Variants in CELF6 observed in about 807,000 individuals in gnomAD.
The protein encoded by CELF6 is CUGBP Elav-like family member 6, also known as Bruno -like 6, RNA binding protein.
Under a neutral mutation model 53.1 loss-of-function variants are expected in CELF6, and 32 were observed. The ratio of observed to expected loss-of-function variants is 0.60; its 90% CI spans 0.46 to 0.81. The LOEUF is 0.81. CELF6 is among the 30% of genes least tolerant of loss of function. The pLI, the probability that CELF6 is intolerant of heterozygous loss-of-function variation, is 0.00. For missense variants in CELF6, 539 were observed against 669.5 expected (o/e 0.81, Z 2.15); for synonymous variants, 291 against 288.8 (o/e 1.01, Z -0.08).
intron 3 of CELF6, among the ~76,000 whole-genome samples, chr15:72,303,254 G>A (rs1368493310): frequency 1.3e-5 from 2 of 152,178 alleles, no homozygotes; most frequent in African/African-American, 4.8e-5. Context: ...TGAACATGAA[G>A]TTTTGCATGC....
At chr15:72,315,171 G>C (rs1189351705) in intron 2 of CELF6, among the ~76,000 whole-genome samples, 1 of 152,164 alleles carries the variant, frequency 6.6e-6, no homozygotes, top group East Asian at 1.9e-4. Context: ...AGAAAACAAG[G>C]CTGTATAGTA....
Position 72,319,814 on chromosome 15 carries a change from T to C in CELF6, c.61A>G (p.Ser21Gly), listed in dbSNP as rs757480018. 3 of 1,553,150 alleles carry C rather than the reference T, an allele frequency of 1.9e-6. No individual in the cohort carries two copies. The South Asian group carries it at 3.5e-5, about 18-fold the overall frequency. The change falls in exon 1 of 13, where the codon AGC becomes GGC. Residue 21 changes from serine (S) to glycine (G), a missense_variant. Physicochemically the swap from Ser to Gly is moderately conservative, Grantham distance 56. Transcript: ENST00000287202. This position sits in a 1 kb window ranked among gnomAD's most constrained non-coding sequence, Gnocchi z 5.0. The stretch of plus-strand genomic sequence containing the variant: ...ATGCCGACGCCGCTGTCCGCGGTGC[T>C]GAAACCCAGGCGCGGGCCGGGGCCA... The part of the protein sequence containing the change: ...PAGPGPRLGF[S>G]TADSGVGMSG...
intron 3 of CELF6, among the ~76,000 whole-genome samples, chr15:72,293,737 A>C (rs1024321385): frequency 2.7e-5 from 4 of 150,458 alleles, no homozygotes; most frequent in Admixed American, 6.6e-5. Context: ...TCTGTCACCC[A>C]AGCTGGAGAG....
chr15:72,316,917 G>T (rs1435235053), intron 1 of CELF6, among the ~76,000 whole-genome samples: 10 of 152,202 alleles, frequency 6.6e-5, no homozygotes, highest in Non-Finnish European at 1.2e-4. Flanking sequence ...AGTCCAAAGG[G>T]TTGAGTAATG....
rs971102911 is a variant in CELF6, at chr15:72,299,613, G to A, written c.394+5133C>T. 5.3e-5 allele frequency among the ~76,000 whole-genome samples: 8 copies of A among 151,958 alleles called. No individual in the cohort carries two copies. In the South Asian group the frequency reaches 1.0e-3, roughly 20 times the overall value. ...TGAGCTCAGCCAATCCACCCGCCTC[G>A]GCCTCCCAAAATGCTAGGATTACAG... On this transcript the variant is annotated intron_variant, in intron 3 of 12. Coordinates refer to ENST00000287202, the MANE Select transcript of CELF6 (RefSeq NM_052840.5).
At chr15:72,313,673 C>T in intron 2 of CELF6, 2 of 739,738 alleles carry the variant, frequency 2.7e-6, no homozygotes, top group African/African-American at 1.9e-5. Flanking sequence ...CCTGTTCCTT[C>T]TGTGTCTGCA....
Position 72,320,089 on chromosome 15 carries a change from G to T in CELF6, c.-215C>A, listed in dbSNP as rs1393106506. 1.5e-6 allele frequency: 1 copy of T among 655,452 alleles called. No homozygotes were observed. The highest frequency in any genetic ancestry group is 2.8e-6 in the Non-Finnish European group (1 of 358,196). 40.6% of individuals were successfully genotyped at this position (655,452 alleles called of 1,614,324 possible). A position where few individuals can be genotyped will look rare whatever the true frequency, so the allele number is the denominator to read the frequency against. ...CGGGGCGGGGCGGGCCCGGGCCGAG[G>T]TGGCGGCTGAACGCTGGGGTCTGGC... On this transcript the variant is annotated 5_prime_UTR_variant, in exon 1 of 13. Coordinates refer to ENST00000287202, the MANE Select transcript of CELF6 (RefSeq NM_052840.5).
At chr15:72,299,696 T>G (rs1399826061) in intron 3 of CELF6, among the ~76,000 whole-genome samples, 1 of 152,178 alleles carries the variant, frequency 6.6e-6, no homozygotes, top group Non-Finnish European at 1.5e-5. Flanking sequence ...GTGTATTTAA[T>G]GTATGTTAGG....
rs1189044614 is a variant in CELF6 at position 72,289,646 on chromosome 15, C to A, written c.728G>T (p.Cys243Phe). 9 of 1,502,926 alleles carry A rather than the reference C, an allele frequency of 6.0e-6. No individual in the cohort carries two copies. In the East Asian group the frequency reaches 1.0e-4, roughly 17 times the overall value. 93.1% of individuals were successfully genotyped at this position (1,502,926 alleles called of 1,614,324 possible). The change falls in exon 6 of 13, where the codon TGC (cysteine) becomes TTC (phenylalanine). Residue 243 changes from cysteine to phenylalanine, a missense_variant. Physicochemically the swap from Cys to Phe is radical, Grantham distance 205 (BLOSUM62 -2). Transcript: ENST00000287202. This position sits in a 1 kb window ranked among gnomAD's most constrained non-coding sequence, Gnocchi z 7.6. ...FHPAPLPLGA[C>F]GAYTTAILQH... ...ACCTACCGCCGTGGTGTAGGCGCCG[C>A]AGGCCCCTAGCGGCAGTGGCGCGGG...
At chr15:72,318,323 C>T (rs567377826) in intron 1 of CELF6, among the ~76,000 whole-genome samples, 13 of 152,116 alleles carry the variant, frequency 8.5e-5, no homozygotes, top group Admixed American at 2.6e-4. Flanking sequence ...CCCTACGAGG[C>T]CTCCAAGTTG....
At position 72,289,337 on chromosome 15, in the gene CELF6, GC is replaced by G; in HGVS notation, c.880+37del. 1 of 1,538,434 alleles carries G rather than the reference GC, an allele frequency of 6.5e-7. No individual in the cohort carries two copies. Among genetic ancestry groups the G allele is most frequent in the Non-Finnish European group, 8.7e-7 (1 of 1,149,600 alleles). ...TCAGGCCGCCACCCCGCCCCGCCCG[GC>G]CCCTCCCAGGCGCGCCCCAGTCCCT... On this transcript the variant is annotated intron_variant, in intron 7 of 12. Coordinates refer to ENST00000287202, the MANE Select transcript of CELF6 (RefSeq NM_052840.5). The surrounding 1 kb of genome is among the most constrained non-coding windows in gnomAD (Gnocchi z 7.6).
Position 72,319,604 on chromosome 15 carries a change from C to G in CELF6, c.262+9G>C. The stretch of plus-strand genomic sequence containing the variant: ...TGGGGCTGGGCTGGGCTGGGCTGAC[C>G]CCGCGCACCTTTGTGGAGGCCGGTG... On this transcript the variant is annotated intron_variant, in intron 1 of 12. Coordinates refer to ENST00000287202, the MANE Select transcript of CELF6 (RefSeq NM_052840.5). This position sits in a 1 kb window ranked among gnomAD's most constrained non-coding sequence, Gnocchi z 5.0. The G allele has an allele frequency of 6.5e-7, 1 of 1,540,032 alleles. No individual in the cohort carries two copies. The highest frequency in any genetic ancestry group is 8.8e-7 in the Non-Finnish European group (1 of 1,139,984).
Position 72,319,541 on chromosome 15 carries a change from T to TGGGGC in CELF6, c.262+67_262+71dup. 7.4e-7 allele frequency: 1 copy of TGGGGC among 1,346,468 alleles called. No individual in the cohort carries two copies. The highest frequency in any genetic ancestry group is 1.4e-5 in the South Asian group (1 of 70,056). The allele number at this position is 1,346,468 out of a possible 1,614,324, so 83.4% of individuals were successfully genotyped here. On this transcript the variant is annotated intron_variant, in intron 1 of 12. Coordinates refer to ENST00000287202, the MANE Select transcript of CELF6 (RefSeq NM_052840.5). This position sits in a 1 kb window ranked among gnomAD's most constrained non-coding sequence, Gnocchi z 5.0. The stretch of plus-strand genomic sequence containing the variant: ...GACTGGCTCTCGGCAGGGCTAGGGC[T>TGGGGC]GGGGCTGGGCTGGGGTCGGGCCACA...
intron 2 of CELF6, among the ~76,000 whole-genome samples, chr15:72,308,769 G>A (rs904184985): frequency 6.6e-6 from 1 of 151,400 alleles, no homozygotes; most frequent in Non-Finnish European, 1.5e-5. Context: ...GCAGTGGCGC[G>A]ATCTCAGCTC....
rs1373286135 is a variant in CELF6, at chr15:72,319,839, A to G, written c.36T>C (p.Ala12=). 150 of 1,544,684 alleles carry G rather than the reference A, an allele frequency of 9.7e-5. No individual in the cohort carries two copies. The highest frequency in any genetic ancestry group is 1.3e-4 in the Non-Finnish European group (147 of 1,144,208). ...TGAAACCCAGGCGCGGGCCGGGGCCAGCGGGCTGCGCTGACCCTCCCGGCG... is the reference window on the plus strand; with the variant it reads ...TGAAACCCAGGCGCGGGCCGGGGCCGGCGGGCTGCGCTGACCCTCCCGGCG... ...AAAPGGSAQP[A]GPGPRLGFST... Residue 12 remains alanine, a synonymous_variant, in exon 1 of 13, where the codon GCT becomes GCC. Coordinates refer to ENST00000287202, the MANE Select transcript of CELF6 (RefSeq NM_052840.5). This position sits in a 1 kb window ranked among gnomAD's most constrained non-coding sequence, Gnocchi z 5.0.
intron 3 of CELF6, among the ~76,000 whole-genome samples, chr15:72,304,442 G>A (rs2088198466): frequency 6.6e-6 from 1 of 152,200 alleles, no homozygotes; most frequent in Non-Finnish European, 1.5e-5. Flanking sequence ...AACCCTGAAA[G>A]TTCCATGTGG....
chr15:72,298,430 C>T (rs1219702095), intron 3 of CELF6, among the ~76,000 whole-genome samples: 2 of 152,156 alleles, frequency 1.3e-5, no homozygotes, highest in Non-Finnish European at 2.9e-5. Context: ...AAACGAGATG[C>T]CTCAAAATAT....
Position 72,319,766 on chromosome 15 carries a change from C to T in CELF6, c.109G>A (p.Ala37Thr), listed in dbSNP as rs776086543. Residue 37 changes from alanine (A) to threonine (T), a missense_variant, in exon 1 of 13, where the codon GCC becomes ACC. By Grantham distance (58) the Ala-to-Thr change is moderately conservative. Around this residue, in one of 3 missense-constraint regions of CELF6, gnomAD observed 84 missense variants for 87.9 expected, o/e 0.96. Coordinates refer to ENST00000287202, the MANE Select transcript of CELF6 (RefSeq NM_052840.5). The surrounding 1 kb of genome is among the most constrained non-coding windows in gnomAD (Gnocchi z 5.0). The stretch of plus-strand genomic sequence containing the variant: ...GCGTCGTGGTCCTTCATGGGTACGG[C>T]GGGACCGGGGTTTAGCCCGCTCATG... ...VGMSGLNPGP[A>T]VPMKDHDAIK... The T allele has an allele frequency of 6.9e-6, 11 of 1,587,798 alleles. No individual in the cohort carries two copies. The highest frequency in any genetic ancestry group is 5.4e-5 in the African/African-American group (4 of 74,298).
chr15:72,319,580 G>GGGGCT lies in CELF6; in HGVS notation c.262+28_262+32dup, dbSNP rs752640728. ...GGTCGGGCCACACTCTAATCGGATT[G>GGGGCT]GGGCTGGGCTGGGCTGGGCTGACCC... is the stretch of plus-strand genomic sequence containing the variant. On this transcript the variant is annotated intron_variant, in intron 1 of 12. Coordinates refer to ENST00000287202, the MANE Select transcript of CELF6 (RefSeq NM_052840.5). This position sits in a 1 kb window ranked among gnomAD's most constrained non-coding sequence, Gnocchi z 5.0. The GGGGCT allele has an allele frequency of 2.6e-5, 40 of 1,510,606 alleles. No homozygotes were observed. The highest frequency in any genetic ancestry group is 1.9e-4 in the African/African-American group (14 of 72,524). 93.6% of individuals were successfully genotyped at this position (1,510,606 alleles called of 1,614,324 possible). A position where few individuals can be genotyped will look rare whatever the true frequency, so the allele number is the denominator to read the frequency against.
Sources: allele counts gnomAD v4.1 joint callset (sites outside exome capture counted in the v4.1 genomes callset), GRCh38; gene constraint gnomAD v4.1.1; regional missense constraint gnomAD v4.1.1; non-coding constraint Gnocchi (gnomAD v3.1); transcripts MANE v1.5; gene names NCBI Gene and HGNC (gene_info 2026-07-23, HGNC 2026-07-21).